SLC47A1: variants seen among roughly 807,000 people sequenced by gnomAD.
The protein encoded by SLC47A1 is multidrug and toxin extrusion protein 1.
In SLC47A1, 58 loss-of-function variants were observed where a neutral mutation model predicts 65.8. The ratio of observed to expected loss-of-function variants is 0.88; its 90% CI spans 0.71 to 1.10. SLC47A1 has a LOEUF of 1.10. SLC47A1 is among the 50% of genes least tolerant of loss of function. The pLI, the probability that SLC47A1 is intolerant of heterozygous loss-of-function variation, is 0.00. For synonymous variants in SLC47A1, 285 were observed against 295.0 expected (o/e 0.97, Z 0.35); for missense variants, 706 against 719.2 (o/e 0.98, Z 0.21).
Position 19,571,565 on chromosome 17 carries a change from G to C in SLC47A1, c.1397G>C (p.Cys466Ser). The C allele has an allele frequency of 1.2e-6, 2 of 1,613,262 alleles. No homozygotes were observed. The highest frequency in any genetic ancestry group is 1.7e-6 in the Non-Finnish European group (2 of 1,179,242). The part of the protein sequence containing the change: ...FIIQLNWKKA[C>S]QQAQVHANLK... ...ATTCAGCTAAATTGGAAAAAAGCCT[G>C]TCAGCAGGTAACTATGTTCATTCTG... Residue 466 changes from cysteine (C) to serine (S), a missense_variant, in exon 15 of 17, where the codon TGT (cysteine) becomes TCT (serine). Transcript: ENST00000270570.
chr17:19,566,933 G>C (rs1196385543), intron 13 of SLC47A1, 74 bp downstream of exon 13: 71 of 1,588,480 alleles, frequency 4.5e-5, no homozygotes, highest in Non-Finnish European at 6.0e-5. Context: ...TGAGAGGAGG[G>C]GCCAGCATAG....
rs111537210 is a variant in SLC47A1, at chr17:19,546,510, G to A, written c.306+7G>A. The A allele has an allele frequency of 1.2e-5, 19 of 1,613,228 alleles. No homozygotes were observed. In the African/African-American group the frequency reaches 2.1e-4, roughly 18 times the overall value. ...TGACACCCTCATCTCCCAGGTAAAT[G>A]GAAGTGGTCACACGCTCACAGTGAC... On this transcript the variant is annotated splice_region_variant and intron_variant, in intron 3 of 16. Coordinates refer to ENST00000270570, the MANE Select transcript of SLC47A1 (RefSeq NM_018242.3).
At chr17:19,552,593 G>A (rs1916481755) in intron 6 of SLC47A1, among the ~76,000 whole-genome samples, 1 of 152,192 alleles carries the variant, frequency 6.6e-6, no homozygotes, top group Admixed American at 6.5e-5. Flanking sequence ...ACCTGCTGAG[G>A]ACAATGAGTG....
rs567420887 is a variant in SLC47A1, at chr17:19,555,778, T to C, written c.740-18T>C. ...CCGATGGCCAGATCTCCTGGAAATG[T>C]GTGTGTCCCCCCCACAGGCTGGTCC... On this transcript the variant is annotated intron_variant, in intron 8 of 16. Transcript: ENST00000270570. The C allele has an allele frequency of 1.0e-4, 161 of 1,613,384 alleles. 2 individuals carry two copies. In the South Asian group the frequency reaches 1.7e-3, roughly 17 times the overall value.
intron 2 of SLC47A1, among the ~76,000 whole-genome samples, chr17:19,544,981 C>T (rs1311023527): frequency 6.6e-6 from 1 of 152,130 alleles, no homozygotes; most frequent in Non-Finnish European, 1.5e-5. Context: ...AATGAGGACA[C>T]CTCAAATCAG....
At chr17:19,538,408 A>G (rs1429789002) in intron 1 of SLC47A1, among the ~76,000 whole-genome samples, 1 of 152,178 alleles carries the variant, frequency 6.6e-6, no homozygotes, top group Non-Finnish European at 1.5e-5. Flanking sequence ...TGCAAGTCTG[A>G]GACTACACAT....
At chr17:19,576,018 T>A (rs542245126) in intron 16 of SLC47A1, among the ~76,000 whole-genome samples, 30 of 151,936 alleles carry the variant, frequency 2.0e-4, no homozygotes, top group Non-Finnish European at 3.4e-4. Flanking sequence ...GGAAAATGAT[T>A]GAATATTTTG....
Position 19,548,085 on chromosome 17 carries a change from A to G in SLC47A1, c.407A>G (p.Asn136Ser), listed in dbSNP as rs1308921400. 1 of 1,613,988 alleles carries G rather than the reference A, an allele frequency of 6.2e-7. No homozygotes were observed. The highest frequency in any genetic ancestry group is 1.1e-5 in the South Asian group (1 of 91,070). Residue 136 changes from asparagine to serine, a missense_variant, in exon 4 of 17, where the codon AAC (asparagine) becomes AGC (serine). Asn to Ser is a conservative substitution (Grantham distance 46, BLOSUM62 1). Transcript: ENST00000270570. The stretch of plus-strand genomic sequence containing the variant: ...TTCCCCTGCTGGGCGCTCTTTCTCA[A>G]CACCCAGCACATCCTGCTGCTCTTC... ...CCFPCWALFL[N>S]TQHILLLFRQ...
At chr17:19,554,919 C>G (rs1489508532) in intron 6 of SLC47A1, among the ~76,000 whole-genome samples, 1 of 152,190 alleles carries the variant, frequency 6.6e-6, no homozygotes, top group Non-Finnish European at 1.5e-5. Flanking sequence ...CCAGTCCTTG[C>G]ACTGTTGGAA....
intron 10 of SLC47A1, 31 bp from the exon 11 acceptor site, chr17:19,560,157 C>T (rs1176590158): frequency 1.3e-6 from 2 of 1,510,734 alleles, no homozygotes; most frequent in East Asian, 2.3e-5. Flanking sequence ...CAGTTTCTCA[C>T]TCATTGTTGC....
At chr17:19,545,410 T>A (rs1164672229) in intron 2 of SLC47A1, among the ~76,000 whole-genome samples, 1 of 152,164 alleles carries the variant, frequency 6.6e-6, no homozygotes, top group East Asian at 1.9e-4. Context: ...GTCAGGCTGG[T>A]CTCAAACGCC....
chr17:19,556,166 G>C, intron 10 of SLC47A1, 104 bp downstream of exon 10: 1 of 1,314,120 alleles, frequency 7.6e-7, no homozygotes, highest in Non-Finnish European at 1.1e-6. Flanking sequence ...AATCATTTGT[G>C]AAATGATGGA....
At chr17:19,562,375 G>A (rs1162516142) in intron 12 of SLC47A1, among the ~76,000 whole-genome samples, 4 of 151,918 alleles carry the variant, frequency 2.6e-5, no homozygotes, top group Non-Finnish European at 2.9e-5. Flanking sequence ...CCAGCTGGTC[G>A]ACATGGGGAA....
At chr17:19,564,184 C>G (rs2084338574) in intron 12 of SLC47A1, among the ~76,000 whole-genome samples, 1 of 152,012 alleles carries the variant, frequency 6.6e-6, no homozygotes, top group South Asian at 2.1e-4. Flanking sequence ...GAAACCCCAT[C>G]TCTACAAAAA....
chr17:19,534,474 A>G (rs1915936520), intron 1 of SLC47A1: 1 of 174,312 alleles, frequency 5.7e-6, no homozygotes, highest in Non-Finnish European at 1.2e-5. Context: ...TCCGGCCAAT[A>G]AAACGCAAGT....
At chr17:19,553,898 C>G (rs1428429868) in intron 6 of SLC47A1, among the ~76,000 whole-genome samples, 1 of 152,162 alleles carries the variant, frequency 6.6e-6, no homozygotes, top group Non-Finnish European at 1.5e-5. Flanking sequence ...CTTAACCTGT[C>G]TCCATCCACT....
In SLC47A1 at chr17:19,534,077, G is replaced by T; in HGVS notation, c.135+3G>T. On this transcript the variant is annotated splice_donor_region_variant and intron_variant, in intron 1 of 16. Transcript: ENST00000270570. The stretch of plus-strand genomic sequence containing the variant: ...TCTTGGTCCTGGCTGGCCCCGCGGT[G>T]AGTAAGGTGGCCTCAGTGGCAGGCC... 2 of 1,534,740 alleles carry T rather than the reference G, an allele frequency of 1.3e-6. No homozygotes were observed. The highest frequency in any genetic ancestry group is 1.8e-6 in the Non-Finnish European group (2 of 1,140,828).
intron 12 of SLC47A1, among the ~76,000 whole-genome samples, chr17:19,562,050 A>G (rs1253174148): frequency 6.6e-6 from 1 of 152,186 alleles, no homozygotes; most frequent in African/African-American, 2.4e-5. Context: ...CAGCGATGCT[A>G]GTGTGTACAT....
At chr17:19,569,848 T>C (rs1219878025) in intron 14 of SLC47A1, among the ~76,000 whole-genome samples, 1 of 152,252 alleles carries the variant, frequency 6.6e-6, no homozygotes, top group East Asian at 1.9e-4. Context: ...TCAGGTGAGC[T>C]TGTAGTTTCT....
Sources: gnomAD v4.1 joint callset for allele counts (sites outside exome capture counted in the v4.1 genomes callset) on GRCh38, gnomAD v4.1.1 for gene constraint, MANE v1.5 for transcripts, NCBI Gene and HGNC (gene_info 2026-07-23, HGNC 2026-07-21) for gene names.